Variants in PRORP observed in about 807,000 individuals in gnomAD.
PRORP encodes mitochondrial ribonuclease P catalytic subunit.
PRORP carries 51 observed loss-of-function variants against 59.4 expected under a neutral mutation model. The ratio of observed to expected loss-of-function variants is 0.86; its 90% CI spans 0.69 to 1.08. The LOEUF (loss-of-function observed/expected upper bound fraction) is 1.08. Among genes scored for constraint, PRORP ranks in the 50% least tolerant of loss-of-function variants. The probability of loss-of-function intolerance (pLI) is 0.00; values close to 1 mark genes in which losing one functional copy is unlikely to be tolerated. For synonymous variants in PRORP, 231 were observed against 245.6 expected (o/e 0.94, Z 0.55); for missense variants, 646 against 690.3 (o/e 0.94, Z 0.72).
At chr14:35,166,963 A>G (rs991793405) in intron 4 of PRORP, among the ~76,000 whole-genome samples, 9 of 152,210 alleles carry the variant, frequency 5.9e-5, no homozygotes, top group African/African-American at 1.9e-4. Context: ...ATATTACTCC[A>G]GTTTATCTGG....
At chr14:35,261,157 C>T (rs1381013525) in intron 5 of PRORP, among the ~76,000 whole-genome samples, 1 of 152,168 alleles carries the variant, frequency 6.6e-6, no homozygotes, top group African/African-American at 2.4e-5. Flanking sequence ...TCTAGGTTGA[C>T]AGCTTCTTCA....
At chr14:35,227,376 A>G (rs1218693665) in intron 5 of PRORP, among the ~76,000 whole-genome samples, 1 of 151,846 alleles carries the variant, frequency 6.6e-6, no homozygotes, top group East Asian at 2.0e-4. Context: ...CGTGGGAGGC[A>G]GAGCTTGCAG....
At chr14:35,262,088 TTA>T (rs1417508646) in intron 5 of PRORP, among the ~76,000 whole-genome samples, 1 of 152,212 alleles carries the variant, frequency 6.6e-6, no homozygotes, top group Non-Finnish European at 1.5e-5. Context: ...CACAACTGTA[TTA>T]TCTTAAGCCA....
intron 5 of PRORP, among the ~76,000 whole-genome samples, chr14:35,246,838 CCT>C (rs2050498068): frequency 6.6e-6 from 1 of 152,028 alleles, no homozygotes; most frequent in East Asian, 1.9e-4. Flanking sequence ...TTTATTCTTT[CCT>C]CTCTCTTCTT....
intron 5 of PRORP, among the ~76,000 whole-genome samples, chr14:35,185,365 G>A (rs753314048): frequency 6.6e-6 from 1 of 151,938 alleles, no homozygotes; most frequent in South Asian, 2.1e-4. Flanking sequence ...ACTTTTTAAT[G>A]GGATTGTTTT....
At position 35,273,419 on chromosome 14, in the gene PRORP, CTT is replaced by C. The variant is rs1415800688; in HGVS notation, c.1621-12_1621-11del. 1.3e-6 allele frequency: 2 copies of C among 1,595,842 alleles called. No individual in the cohort carries two copies. Among genetic ancestry groups the C allele is most frequent in the African/African-American group, 1.4e-5 (1 of 73,958 alleles). On this transcript the variant is annotated splice_polypyrimidine_tract_variant and intron_variant, in intron 7 of 7. Coordinates refer to ENST00000534898, the MANE Select transcript of PRORP (RefSeq NM_014672.4). ...AGTGTTGTTCTCAATGTTTTGTTCT[CTT>C]TTTAATTCAACAGCGTATTCTCAGC... is the stretch of plus-strand genomic sequence containing the variant.
At chr14:35,177,888 A>G (rs995197157) in intron 4 of PRORP, among the ~76,000 whole-genome samples, 7 of 152,190 alleles carry the variant, frequency 4.6e-5, no homozygotes, top group Non-Finnish European at 8.8e-5. Flanking sequence ...ATTTAGTGCT[A>G]TAAATTTCCC....
At chr14:35,130,311 C>T (rs2047207122) in intron 4 of PRORP, among the ~76,000 whole-genome samples, 1 of 151,690 alleles carries the variant, frequency 6.6e-6, no homozygotes, top group South Asian at 2.1e-4. Flanking sequence ...GGATTACAGG[C>T]GTAAGGCACT....
chr14:35,196,541 A>G (rs1281856306), intron 5 of PRORP, among the ~76,000 whole-genome samples: 1 of 152,158 alleles, frequency 6.6e-6, no homozygotes, highest in Non-Finnish European at 1.5e-5. Context: ...AAATCTAATC[A>G]TGACTCCTTA....
chr14:35,234,749 G>A (rs1018118451), intron 5 of PRORP, among the ~76,000 whole-genome samples: 1 of 147,816 alleles, frequency 6.8e-6, no homozygotes, highest in Non-Finnish European at 1.5e-5. Flanking sequence ...TGTGATCATA[G>A]CTTACTGTAG....
chr14:35,259,757 T>C (rs760847210), intron 5 of PRORP, among the ~76,000 whole-genome samples: 8 of 152,028 alleles, frequency 5.3e-5, no homozygotes, highest in Non-Finnish European at 1.0e-4. Context: ...TAGCCAGGCA[T>C]GGTGCCGTGC....
chr14:35,215,431 TTAAG>T (rs758461522), intron 5 of PRORP, among the ~76,000 whole-genome samples: 41 of 152,116 alleles, frequency 2.7e-4, no homozygotes, highest in African/African-American at 9.2e-4. Flanking sequence ...TTACTGACAC[TTAAG>T]TAAGTTTCAA....
rs1378441620 is a variant in PRORP, at chr14:35,139,358, A to G, written c.1167+11747A>G. Among the ~76,000 whole-genome samples, 2 of 145,696 alleles carry G rather than the reference A, an allele frequency of 1.4e-5. 1 individual carries two copies. The highest frequency in any genetic ancestry group is 3.0e-5 in the Non-Finnish European group (2 of 65,606). On this transcript the variant is annotated intron_variant, in intron 4 of 7. Coordinates refer to ENST00000534898, the MANE Select transcript of PRORP (RefSeq NM_014672.4). Reference sequence around the variant, plus strand: ...ACTTTATGAGTTTTGTCATATGTATATACCTGTGGAACTGTCACTGCAATC... The same window carrying G: ...ACTTTATGAGTTTTGTCATATGTATGTACCTGTGGAACTGTCACTGCAATC...
At chr14:35,246,752 G>A (rs1462386479) in intron 5 of PRORP, among the ~76,000 whole-genome samples, 1 of 152,164 alleles carries the variant, frequency 6.6e-6, no homozygotes, top group Non-Finnish European at 1.5e-5. Context: ...CCTACCAAGT[G>A]TTGACAGAGA....
At chr14:35,237,453 T>G (rs1460099776) in intron 5 of PRORP, among the ~76,000 whole-genome samples, 1 of 152,086 alleles carries the variant, frequency 6.6e-6, no homozygotes, top group Non-Finnish European at 1.5e-5. Context: ...ATCAGATCCT[T>G]GTTAGTACCT....
At position 35,217,596 on chromosome 14, in the gene PRORP, GT is replaced by G. The variant is rs201853079; in HGVS notation, c.1275+36827del. 8.8e-3 allele frequency among the ~76,000 whole-genome samples: 1,323 copies of G among 151,096 alleles called. 15 individuals carry two copies. The highest frequency in any genetic ancestry group is 0.03 in the African/African-American group (1,233 of 41,146). ...AGGAGTTTTATAGTTTTACATTTAG[GT>G]TTTTTTTCTCTTTGAGTTGATTTTT... On this transcript the variant is annotated intron_variant, in intron 5 of 7. Transcript: ENST00000534898.
intron 4 of PRORP, chr14:35,158,366 C>T: frequency 3.4e-6 from 1 of 298,212 alleles, no homozygotes. Flanking sequence ...TTCAACTTTA[C>T]CAACACCCCA....
intron 5 of PRORP, among the ~76,000 whole-genome samples, chr14:35,191,981 T>G (rs2048894356): frequency 6.6e-6 from 1 of 152,200 alleles, no homozygotes; most frequent in Non-Finnish European, 1.5e-5. Context: ...TTCTTTCCAT[T>G]TCCATTAACA....
intron 5 of PRORP, among the ~76,000 whole-genome samples, chr14:35,184,390 T>C (rs1458450688): frequency 1.3e-5 from 2 of 152,186 alleles, no homozygotes; most frequent in Non-Finnish European, 2.9e-5. Flanking sequence ...AGCCACCATG[T>C]AGAGATTTAT....
Sources: allele counts gnomAD v4.1 joint callset (sites outside exome capture counted in the v4.1 genomes callset), GRCh38; gene constraint gnomAD v4.1.1; transcripts MANE v1.5; gene names NCBI Gene and HGNC (gene_info 2026-07-23, HGNC 2026-07-21).